Variants in TLL1 observed in about 807,000 individuals in gnomAD.
TLL1 encodes tolloid like 1.
In TLL1, 49 loss-of-function variants were observed where a neutral mutation model predicts 128.2. The ratio of observed to expected loss-of-function variants is 0.38; its 90% CI spans 0.30 to 0.48. The LOEUF (loss-of-function observed/expected upper bound fraction) is 0.48. Among genes scored for constraint, TLL1 ranks in the 20% least tolerant of loss-of-function variants. The probability of loss-of-function intolerance (pLI) is 0.96; values close to 1 mark genes in which losing one functional copy is unlikely to be tolerated. For missense variants in TLL1, 1,123 were observed against 1,242.0 expected (o/e 0.90, Z 1.44); for synonymous variants, 454 against 418.8 (o/e 1.08, Z -1.03).
rs115777640 is a variant in TLL1 at position 166,083,388 on chromosome 4, G to A, written c.2442+5358G>A. ...TATTATTCATGTTTTGATCATATTT[G>A]TGGGGAAAAAACACTTAACATCCAC... On this transcript the variant is annotated intron_variant, in intron 18 of 20. Coordinates refer to ENST00000061240, the MANE Select transcript of TLL1 (RefSeq NM_012464.5). 3.5e-3 allele frequency among the ~76,000 whole-genome samples: 432 copies of A among 122,650 alleles called. 40 individuals carry two copies. Among genetic ancestry groups the A allele is most frequent in the African/African-American group, 0.01 (398 of 39,760 alleles). The allele number at this position is 122,650 out of a possible 152,430, so 80.5% of individuals were successfully genotyped here. A position where few individuals can be genotyped will look rare whatever the true frequency, so the allele number is the denominator to read the frequency against.
chr4:165,917,108 T>C (rs977809758), intron 1 of TLL1, among the ~76,000 whole-genome samples: 2 of 152,132 alleles, frequency 1.3e-5, no homozygotes, highest in Admixed American at 6.6e-5. Flanking sequence ...AAATGCATGA[T>C]ATTTTATGAT....
chr4:165,954,424 A>G (rs1365687653), intron 1 of TLL1, among the ~76,000 whole-genome samples: 2 of 152,148 alleles, frequency 1.3e-5, no homozygotes, highest in Admixed American at 6.6e-5. Flanking sequence ...CAAACTTAAT[A>G]ATAGTACTGG....
intron 1 of TLL1, among the ~76,000 whole-genome samples, chr4:165,888,987 A>C (rs1007762451): frequency 1.3e-5 from 2 of 152,298 alleles, no homozygotes; most frequent in African/African-American, 4.8e-5. Flanking sequence ...TCCTCTGCTT[A>C]TCTCTCTGGA....
chr4:166,079,314 A>C (rs1159327873), intron 18 of TLL1, among the ~76,000 whole-genome samples: 1 of 152,026 alleles, frequency 6.6e-6, no homozygotes, highest in Non-Finnish European at 1.5e-5. Flanking sequence ...TCTCAATCCA[A>C]ATTTTTTTTG....
intron 1 of TLL1, among the ~76,000 whole-genome samples, chr4:165,891,082 G>C (rs1273100791): frequency 6.6e-6 from 1 of 152,146 alleles, no homozygotes; most frequent in African/African-American, 2.4e-5. Context: ...GGCCTGAGCT[G>C]CATATTTTTC....
In TLL1 at chr4:166,099,400, C is replaced by G; in HGVS notation, c.2780C>G (p.Ser927Cys). ...CEWLLVSERGSRLELSFQTFE... is the reference protein window; with the variant it reads ...CEWLLVSERGCRLELSFQTFE... ...TGGCTATTAGTATCAGAACGGGGCTCTCGACTTGAATTATCCTTCCAGACA... is the reference window on the plus strand; with the variant it reads ...TGGCTATTAGTATCAGAACGGGGCTGTCGACTTGAATTATCCTTCCAGACA... Residue 927 changes from serine (S) to cysteine (C), a missense_variant, in exon 20 of 21, where the codon TCT becomes TGT. Around this residue, in one of 3 missense-constraint regions of TLL1, gnomAD observed 634 missense variants for 672.4 expected, o/e 0.94. Coordinates refer to ENST00000061240, the MANE Select transcript of TLL1 (RefSeq NM_012464.5). 2 of 1,613,552 alleles carry G rather than the reference C, an allele frequency of 1.2e-6. No individual in the cohort carries two copies. The highest frequency in any genetic ancestry group is 1.7e-6 in the Non-Finnish European group (2 of 1,179,668).
At chr4:166,070,079 T>C (rs1231185411) in intron 16 of TLL1, among the ~76,000 whole-genome samples, 1 of 151,804 alleles carries the variant, frequency 6.6e-6, no homozygotes, top group Non-Finnish European at 1.5e-5. Flanking sequence ...AGTCCAACAA[T>C]AGATTGGTGT....
chr4:165,891,683 A>G lies in TLL1; in HGVS notation c.169+17610A>G, dbSNP rs1320559800. On this transcript the variant is annotated intron_variant, in intron 1 of 20. Coordinates refer to ENST00000061240, the MANE Select transcript of TLL1 (RefSeq NM_012464.5). Reference sequence around the variant, plus strand: ...ACTCAGCCTGGACTTCATTGTCCATATGGCTATCAGTATTTTGGTCAAAAC... The same window carrying G: ...ACTCAGCCTGGACTTCATTGTCCATGTGGCTATCAGTATTTTGGTCAAAAC... Among the ~76,000 whole-genome samples, 9 of 152,266 alleles carry G rather than the reference A, an allele frequency of 5.9e-5. 1 individual carries two copies. In the East Asian group the frequency reaches 1.7e-3, roughly 29 times the overall value.
chr4:165,942,931 TA>T (rs1223083042), intron 1 of TLL1, among the ~76,000 whole-genome samples: 1 of 152,100 alleles, frequency 6.6e-6, no homozygotes, highest in Non-Finnish European at 1.5e-5. Flanking sequence ...GGGCACCATT[TA>T]TTTTCATGTC....
intron 12 of TLL1, among the ~76,000 whole-genome samples, chr4:166,054,642 A>G (rs1337764933): frequency 1.4e-5 from 2 of 140,678 alleles, no homozygotes; most frequent in Non-Finnish European, 3.0e-5. Context: ...TTCAATTCCC[A>G]CCTATGAGTG....
intron 16 of TLL1, among the ~76,000 whole-genome samples, chr4:166,066,583 C>A (rs541142824): frequency 6.6e-5 from 10 of 151,764 alleles, no homozygotes; most frequent in African/African-American, 2.4e-4. Context: ...CAACTGAATT[C>A]CAATTATGTT....
chr4:165,954,915 A>G (rs1561052165), intron 1 of TLL1, among the ~76,000 whole-genome samples: 1 of 152,052 alleles, frequency 6.6e-6, no homozygotes, highest in Non-Finnish European at 1.5e-5. Flanking sequence ...GTGTCTCCTT[A>G]CCTCCAAGCT....
chr4:166,073,622 C>A (rs78476621), intron 16 of TLL1, among the ~76,000 whole-genome samples: 1,946 of 152,100 alleles, frequency 0.013, 51 homozygotes, highest in African/African-American at 0.044. Flanking sequence ...CTGAGATTGC[C>A]TGTATGTATT....
intron 8 of TLL1, among the ~76,000 whole-genome samples, chr4:166,023,429 C>T (rs10049682): frequency 0.15 from 22,435 of 152,072 alleles, 3,778 homozygotes; most frequent in African/African-American, 0.41. Context: ...TATGTCATCT[C>T]ATCCACTCAC....
At chr4:166,017,761 C>T (rs1237931642) in intron 8 of TLL1, among the ~76,000 whole-genome samples, 1 of 152,056 alleles carries the variant, frequency 6.6e-6, no homozygotes, top group African/African-American at 2.4e-5. Flanking sequence ...ATCTGTCTCC[C>T]TTTTTACTTC....
intron 16 of TLL1, among the ~76,000 whole-genome samples, chr4:166,071,625 CCTT>C (rs1740808693): frequency 6.6e-6 from 1 of 151,870 alleles, no homozygotes; most frequent in Admixed American, 6.6e-5. Flanking sequence ...AAATGTCTCT[CCTT>C]CTCCCTTTTC....
chr4:166,059,733 G>A (rs189458916), intron 14 of TLL1, among the ~76,000 whole-genome samples: 3 of 151,858 alleles, frequency 2.0e-5, no homozygotes, highest in African/African-American at 7.3e-5. Context: ...AGAAAACTGA[G>A]ACCTAGATTT....
intron 18 of TLL1, among the ~76,000 whole-genome samples, chr4:166,082,455 T>C (rs1042234938): frequency 2.6e-5 from 4 of 152,190 alleles, no homozygotes; most frequent in Non-Finnish European, 4.4e-5. Context: ...GTAACTGTTA[T>C]CTAGTGTTAT....
At chr4:165,898,488 C>A in intron 1 of TLL1, among the ~76,000 whole-genome samples, 1 of 152,212 alleles carries the variant, frequency 6.6e-6, no homozygotes, top group East Asian at 1.9e-4. Flanking sequence ...TTGAGATAAT[C>A]ATGTGGTTTT....
Sources: allele counts gnomAD v4.1 joint callset (sites outside exome capture counted in the v4.1 genomes callset), GRCh38; gene constraint gnomAD v4.1.1; regional missense constraint gnomAD v4.1.1; transcripts MANE v1.5; gene names NCBI Gene and HGNC (gene_info 2026-07-23, HGNC 2026-07-21).